The following ALDH1A2 variants were observed in gnomAD, a reference collection of about 807,000 sequenced individuals.
The protein encoded by ALDH1A2 is retinal dehydrogenase 2.
A neutral mutation model predicts 60.3 loss-of-function variants in ALDH1A2; 27 were observed. The ratio of observed to expected loss-of-function variants is 0.45; its 90% CI spans 0.33 to 0.62. ALDH1A2 has a LOEUF of 0.62. ALDH1A2 is among the 20% of genes least tolerant of loss of function. The pLI is 0.02. For synonymous variants in ALDH1A2, 289 were observed against 232.4 expected, an observed-to-expected ratio of 1.24 and a Z score of -2.21; for missense variants, 581 against 643.8, an observed-to-expected ratio of 0.90 and a Z score of 1.06.
chr15:57,984,988 T>C lies in ALDH1A2; in HGVS notation c.798+7717A>G, dbSNP rs773605047. Among the ~76,000 whole-genome samples, 192 of 152,216 alleles carry C rather than the reference T, an allele frequency of 1.3e-3. 4 individuals are homozygous for C. The highest frequency in any genetic ancestry group is 2.5e-4 in the Non-Finnish European group (17 of 68,036). ...ATAAATCCCACTTGGTCATGGTATATAATCATTTTTATATATTTCTGGATT... is the reference window on the plus strand; with the variant it reads ...ATAAATCCCACTTGGTCATGGTATACAATCATTTTTATATATTTCTGGATT... On this transcript the variant is annotated intron_variant, in intron 7 of 12. Coordinates refer to ENST00000249750, the MANE Select transcript of ALDH1A2 (RefSeq NM_003888.4).
chr15:58,008,474 T>A (rs1199380643), intron 4 of ALDH1A2, among the ~76,000 whole-genome samples: 1 of 152,058 alleles, frequency 6.6e-6, no homozygotes, highest in Non-Finnish European at 1.5e-5. Flanking sequence ...CCAGATCAAG[T>A]TACATTAAAG....
intron 1 of ALDH1A2, among the ~76,000 whole-genome samples, chr15:58,061,966 A>T (rs1298422230): frequency 6.6e-6 from 1 of 152,188 alleles, no homozygotes; most frequent in Non-Finnish European, 1.5e-5. Flanking sequence ...AGATGTTTCC[A>T]GTCTAACACA....
At chr15:58,043,465 G>C (rs1266920043) in intron 1 of ALDH1A2, among the ~76,000 whole-genome samples, 1 of 151,950 alleles carries the variant, frequency 6.6e-6, no homozygotes, top group Non-Finnish European at 1.5e-5. Context: ...GGTTTGATTT[G>C]TTCCTTCTCT....
chr15:57,990,377 G>GT (rs1255208069), intron 7 of ALDH1A2: 1 of 152,070 alleles, frequency 6.6e-6, no homozygotes, highest in Non-Finnish European at 1.5e-5. Flanking sequence ...GTCTCCAAAG[G>GT]TTTTTATTTC....
chr15:58,009,879 A>G (rs565104843), intron 4 of ALDH1A2, among the ~76,000 whole-genome samples: 7 of 152,166 alleles, frequency 4.6e-5, no homozygotes, highest in Non-Finnish European at 7.4e-5. Context: ...AAAGCACTCA[A>G]TTGGTATTAG....
chr15:58,039,664 A>G (rs1896465842), intron 1 of ALDH1A2, among the ~76,000 whole-genome samples: 1 of 151,840 alleles, frequency 6.6e-6, no homozygotes, highest in Admixed American at 6.6e-5. Flanking sequence ...GAGACATGTC[A>G]CCTTTCATTT....
chr15:58,035,521 G>C (rs1011702464), intron 1 of ALDH1A2, among the ~76,000 whole-genome samples: 3 of 151,334 alleles, frequency 2.0e-5, no homozygotes, highest in African/African-American at 7.3e-5. Flanking sequence ...AAAAAGCTTA[G>C]ACTATTTCTT....
chr15:57,965,229 C>T (rs1389124976), intron 8 of ALDH1A2, among the ~76,000 whole-genome samples: 1 of 152,206 alleles, frequency 6.6e-6, no homozygotes, highest in Non-Finnish European at 1.5e-5. Flanking sequence ...CCCACGTGTG[C>T]TGTCATCCTA....
chr15:57,981,171 G>A (rs963176962), intron 7 of ALDH1A2, among the ~76,000 whole-genome samples: 1 of 151,832 alleles, frequency 6.6e-6, no homozygotes, highest in Non-Finnish European at 1.5e-5. Flanking sequence ...CAGCTCCTGG[G>A]TTCCTGCACT....
intron 4 of ALDH1A2, among the ~76,000 whole-genome samples, chr15:58,007,883 T>C: frequency 6.6e-6 from 1 of 151,706 alleles, no homozygotes; most frequent in African/African-American, 2.4e-5. Flanking sequence ...AATGGATTAA[T>C]TTACTGAACA....
intron 7 of ALDH1A2, among the ~76,000 whole-genome samples, chr15:57,984,180 T>G (rs1409411925): frequency 6.6e-6 from 1 of 152,182 alleles, no homozygotes; most frequent in Non-Finnish European, 1.5e-5. Flanking sequence ...CTAACTAGCA[T>G]GTAACCCTGG....
chr15:57,964,561 T>G (rs920184781), intron 8 of ALDH1A2: 5 of 159,270 alleles, frequency 3.1e-5, no homozygotes, highest in African/African-American at 1.2e-4. Context: ...CATGTCTATA[T>G]TTTGTATTTG....
intron 7 of ALDH1A2, among the ~76,000 whole-genome samples, chr15:57,975,772 A>G (rs1033639002): frequency 2.0e-5 from 3 of 152,062 alleles, no homozygotes; most frequent in African/African-American, 7.2e-5. Context: ...AAAATTCTAG[A>G]AAATGCAGAT....
intron 7 of ALDH1A2, among the ~76,000 whole-genome samples, chr15:57,983,662 C>T (rs1238037661): frequency 6.6e-6 from 1 of 152,142 alleles, no homozygotes; most frequent in South Asian, 2.1e-4. Flanking sequence ...TTGATCTTAT[C>T]ATCTTGAAAA....
chr15:58,027,575 A>G (rs1896114082), intron 1 of ALDH1A2, among the ~76,000 whole-genome samples: 1 of 152,168 alleles, frequency 6.6e-6, no homozygotes, highest in Non-Finnish European at 1.5e-5. Context: ...AGTAGGCTTC[A>G]GAAGGTCGGT....
chr15:58,011,684 A>G (rs1156509502), intron 3 of ALDH1A2, among the ~76,000 whole-genome samples: 1 of 152,198 alleles, frequency 6.6e-6, no homozygotes, highest in African/African-American at 2.4e-5. Context: ...TGAAAATACT[A>G]TGACTTCCAG....
At chr15:57,979,307 G>A (rs1334465897) in intron 7 of ALDH1A2, among the ~76,000 whole-genome samples, 1 of 152,058 alleles carries the variant, frequency 6.6e-6, no homozygotes, top group Non-Finnish European at 1.5e-5. Flanking sequence ...TTTTTCTTTT[G>A]TTAATGCATC....
chr15:58,039,327 A>C (rs1198556961), intron 1 of ALDH1A2, among the ~76,000 whole-genome samples: 1 of 151,668 alleles, frequency 6.6e-6, no homozygotes, highest in African/African-American at 2.4e-5. Flanking sequence ...ATTTGACAGC[A>C]AATGTTCCTA....
intron 1 of ALDH1A2, among the ~76,000 whole-genome samples, chr15:58,049,772 C>A (rs1297720921): frequency 3.3e-5 from 5 of 152,048 alleles, no homozygotes; most frequent in African/African-American, 4.8e-5. Flanking sequence ...GTCTGAACAG[C>A]GGTGTGGGAA....
Sources: allele counts gnomAD v4.1 joint callset (sites outside exome capture counted in the v4.1 genomes callset), GRCh38; gene constraint gnomAD v4.1.1; transcripts MANE v1.5; gene names NCBI Gene and HGNC (gene_info 2026-07-23, HGNC 2026-07-21).